The following PCDHGA11 variants were observed in gnomAD, a reference collection of about 807,000 sequenced individuals.
PCDHGA11 encodes protocadherin gamma-A11.
A neutral mutation model predicts 60.4 loss-of-function variants in PCDHGA11; 39 were observed. The observed-to-expected ratio is 0.65, with a 90% CI of 0.50 to 0.84. The LOEUF is 0.84. PCDHGA11 is among the 40% of genes least tolerant of loss of function. The probability of loss-of-function intolerance (pLI) is 0.00; values close to 1 mark genes in which losing one functional copy is unlikely to be tolerated. For synonymous variants in PCDHGA11, 533 were observed against 510.3 expected, an observed-to-expected ratio of 1.04 and a Z score of -0.60; for missense variants, 1,165 against 1,197.7, an observed-to-expected ratio of 0.97 and a Z score of 0.40.
chr5:141,433,304 C>T, intron 1 of PCDHGA11: 1 of 932,004 alleles, frequency 1.1e-6, no homozygotes, highest in Non-Finnish European at 1.6e-6. Context: ...AGCAATTATC[C>T]CACCTTTGCC....
At chr5:141,439,190 C>CA (rs200519543) in intron 1 of PCDHGA11, among the ~76,000 whole-genome samples, 17,650 of 111,626 alleles carry the variant, frequency 0.16, 1,295 homozygotes, top group African/African-American at 0.25. Context: ...GAGACTCTGA[C>CA]AAAAAAAAAA....
chr5:141,422,984 G>T lies in PCDHGA11; in HGVS notation c.1757G>T (p.Gly586Val). 2 of 1,614,230 alleles carry T rather than the reference G, an allele frequency of 1.2e-6. No homozygotes were observed. The highest frequency in any genetic ancestry group is 1.7e-6 in the Non-Finnish European group (2 of 1,180,040). The change falls in exon 1 of 4, where the codon GGC becomes GTC. Residue 586 changes from glycine (G) to valine (V), a missense_variant. Transcript: ENST00000398587. ...VELAPRSAEP[G>V]YLVTKVVAVD... ...CTGGCGCCCCGCTCTGCGGAACCTG[G>T]CTACCTGGTGACCAAGGTGGTTGCG...
intron 1 of PCDHGA11, chr5:141,427,712 C>A: frequency 9.5e-7 from 1 of 1,051,464 alleles, no homozygotes; most frequent in Non-Finnish European, 1.4e-6. Context: ...GCGCCTCTGA[C>A]CTGGACCTAG....
chr5:141,441,843 G>T, intron 1 of PCDHGA11: 1 of 356,176 alleles, frequency 2.8e-6, no homozygotes. Context: ...TCGCGCTCTT[G>T]GATATGGTGC....
chr5:141,509,699 C>T (rs779592471), intron 3 of PCDHGA11, among the ~76,000 whole-genome samples: 4 of 152,168 alleles, frequency 2.6e-5, no homozygotes, highest in Non-Finnish European at 5.9e-5. Flanking sequence ...GGACGTTGGA[C>T]TGGAGGTGCT....
In PCDHGA11 at chr5:141,486,247, C is replaced by T. The variant is rs935513223; in HGVS notation, c.2434-8560C>T. The T allele has an allele frequency of 2.5e-6, 4 of 1,614,014 alleles. No homozygotes were observed. The African/African-American group carries it at 5.3e-5, about 22-fold the overall frequency. On this transcript the variant is annotated intron_variant, in intron 1 of 3. Transcript: ENST00000398587. This position sits in a 1 kb window ranked among gnomAD's most constrained non-coding sequence, Gnocchi z 5.0. Reference sequence around the variant, plus strand: ...TCACAGTGACCTCAGAGCTTGGAACCCTCCCCGAGAGTGCAGAACCTGGCA... The same window carrying T: ...TCACAGTGACCTCAGAGCTTGGAACTCTCCCCGAGAGTGCAGAACCTGGCA...
rs377161386 is a variant in PCDHGA11, at chr5:141,421,300, C to A, written c.73C>A (p.Arg25=). The A allele has an allele frequency of 1.2e-6, 2 of 1,613,320 alleles. No individual in the cohort carries two copies. Among genetic ancestry groups the A allele is most frequent in the African/African-American group, 1.3e-5 (1 of 74,934 alleles). The change falls in exon 1 of 4, where the codon CGG becomes AGG. Residue 25 remains arginine, a synonymous_variant. Coordinates refer to ENST00000398587, the MANE Select transcript of PCDHGA11 (RefSeq NM_018914.3). ...LLLCIFLGTL[R]GFRARQIRYS... is the part of the protein sequence containing the mutation. The stretch of plus-strand genomic sequence containing the variant: ...GCTGTGCATTTTCCTGGGGACGCTG[C>A]GGGGGTTCCGGGCCAGGCAGATCCG...
intron 1 of PCDHGA11, among the ~76,000 whole-genome samples, chr5:141,449,199 A>T (rs927587807): frequency 3.3e-5 from 5 of 152,190 alleles, no homozygotes; most frequent in Admixed American, 2.6e-4. Flanking sequence ...AGAAGTGTTA[A>T]TTCTAACTTT....
At position 141,487,179 on chromosome 5, in the gene PCDHGA11, C is replaced by T. The variant is rs768886732; in HGVS notation, c.2434-7628C>T. Reference sequence around the variant, plus strand: ...CTCTTAGTGTCCTTAGAGGAAGACACTCATCCAGTTGTCCCAGATCTTCGA... The same window carrying T: ...CTCTTAGTGTCCTTAGAGGAAGACATTCATCCAGTTGTCCCAGATCTTCGA... On this transcript the variant is annotated intron_variant, in intron 1 of 3. Transcript: ENST00000398587. This position sits in a 1 kb window ranked among gnomAD's most constrained non-coding sequence, Gnocchi z 5.0. 6.2e-6 allele frequency: 10 copies of T among 1,613,474 alleles called. No individual in the cohort carries two copies. Among genetic ancestry groups the T allele is most frequent in the Non-Finnish European group, 6.8e-6 (8 of 1,179,370 alleles).
Position 141,431,137 on chromosome 5 carries a change from T to G in PCDHGA11, c.2433+7477T>G. 3 of 1,614,212 alleles carry G rather than the reference T, an allele frequency of 1.9e-6. No individual in the cohort carries two copies. The highest frequency in any genetic ancestry group is 2.2e-5 in the South Asian group (2 of 91,084). On this transcript the variant is annotated intron_variant, in intron 1 of 3. Coordinates refer to ENST00000398587, the MANE Select transcript of PCDHGA11 (RefSeq NM_018914.3). This position sits in a 1 kb window ranked among gnomAD's most constrained non-coding sequence, Gnocchi z 4.8. Reference sequence around the variant, plus strand: ...GAGTAGAAGTAGAAGTAAGGGACATTAACGACAATGCGCCTTACTTTCGTG... The same window carrying G: ...GAGTAGAAGTAGAAGTAAGGGACATGAACGACAATGCGCCTTACTTTCGTG...
At chr5:141,492,063 C>T in intron 1 of PCDHGA11, 1 of 481,160 alleles carries the variant, frequency 2.1e-6, no homozygotes, top group African/African-American at 2.0e-5. Flanking sequence ...CAGCCAGCCT[C>T]CTAGGCGCCG....
At chr5:141,437,225 T>C (rs943242286) in intron 1 of PCDHGA11, among the ~76,000 whole-genome samples, 2 of 152,240 alleles carry the variant, frequency 1.3e-5, no homozygotes, top group Admixed American at 1.3e-4. Flanking sequence ...ATTCCAGTCA[T>C]AAAATTATGT....
Position 141,455,633 on chromosome 5 carries a change from G to A in PCDHGA11, c.2433+31973G>A, listed in dbSNP as rs1049071525. On this transcript the variant is annotated intron_variant, in intron 1 of 3. Coordinates refer to ENST00000398587, the MANE Select transcript of PCDHGA11 (RefSeq NM_018914.3). ...ATGTTCTAAACACGTGGAGATATGT[G>A]GGGGGCAGCCATGTGGCCAGGAACT... Among the ~76,000 whole-genome samples, 19 of 152,198 alleles carry A rather than the reference G, an allele frequency of 1.2e-4. No homozygotes were observed. In the East Asian group the frequency reaches 3.1e-3, roughly 25 times the overall value.
Position 141,431,054 on chromosome 5 carries a change from G to T in PCDHGA11, c.2433+7394G>T. 6.2e-7 allele frequency: 1 copy of T among 1,614,198 alleles called. No individual in the cohort carries two copies. The highest frequency in any genetic ancestry group is 8.5e-7 in the Non-Finnish European group (1 of 1,180,004). ...AGACCGGGAGGAGCTCTGTATGGGG[G>T]CCATCAAGTGTCAATTAAATCTAGA... On this transcript the variant is annotated intron_variant, in intron 1 of 3. Transcript: ENST00000398587. This position sits in a 1 kb window ranked among gnomAD's most constrained non-coding sequence, Gnocchi z 4.8.
intron 1 of PCDHGA11, among the ~76,000 whole-genome samples, chr5:141,469,172 A>C (rs1310781965): frequency 6.6e-6 from 1 of 152,050 alleles, no homozygotes; most frequent in Admixed American, 6.6e-5. Context: ...GCTACTTGGG[A>C]GGCTGAGGCA....
chr5:141,500,144 C>T (rs2099796717), intron 2 of PCDHGA11, among the ~76,000 whole-genome samples: 1 of 151,426 alleles, frequency 6.6e-6, no homozygotes, highest in South Asian at 2.1e-4. Context: ...CTAAACTTTT[C>T]TTTGTGTAAT....
In PCDHGA11 at chr5:141,485,216, G is replaced by C. The variant is rs757059807; in HGVS notation, c.2434-9591G>C. On this transcript the variant is annotated intron_variant, in intron 1 of 3. Transcript: ENST00000398587. The surrounding 1 kb of genome is among the most constrained non-coding windows in gnomAD (Gnocchi z 5.7). ...AAGCTGGACAGAAATCTGGCGGTGG[G>C]CTACCCTTTTGTTCCTCTTTTACCA... 2.5e-6 allele frequency: 4 copies of C among 1,614,144 alleles called. No homozygotes were observed. In the South Asian group the frequency reaches 4.4e-5, roughly 18 times the overall value.
In PCDHGA11 at chr5:141,511,074, C is replaced by G; in HGVS notation, c.2709C>G (p.Ser903Arg). 1.2e-6 allele frequency: 2 copies of G among 1,614,238 alleles called. No homozygotes were observed. The highest frequency in any genetic ancestry group is 1.7e-6 in the Non-Finnish European group (2 of 1,180,040). ...GCCAGAATGTCTACATCCCAGGCAGCAATGCCACACTGACCAACGCAGCTG... is the reference window on the plus strand; with the variant it reads ...GCCAGAATGTCTACATCCCAGGCAGGAATGCCACACTGACCAACGCAGCTG... The part of the protein sequence containing the change: ...DYRQNVYIPG[S>R]NATLTNAAGK... Residue 903 changes from serine (S) to arginine (R), a missense_variant, in exon 4 of 4, where the codon AGC becomes AGG. Coordinates refer to ENST00000398587, the MANE Select transcript of PCDHGA11 (RefSeq NM_018914.3).
chr5:141,476,922 C>T lies in PCDHGA11; in HGVS notation c.2434-17885C>T. 4 of 1,614,120 alleles carry T rather than the reference C, an allele frequency of 2.5e-6. No individual in the cohort carries two copies. Among genetic ancestry groups the T allele is most frequent in the Non-Finnish European group, 2.5e-6 (3 of 1,180,050 alleles). On this transcript the variant is annotated intron_variant, in intron 1 of 3. Transcript: ENST00000398587. The surrounding 1 kb of genome is among the most constrained non-coding windows in gnomAD (Gnocchi z 7.6). ...ACGCGCGTGGTACAAGTCCTTGCAA[C>T]GGATCTGGATGAAGGCCCCAACGGT...
Sources: gnomAD v4.1 joint callset for allele counts (sites outside exome capture counted in the v4.1 genomes callset) on GRCh38, gnomAD v4.1.1 for gene constraint, Gnocchi (gnomAD v3.1) non-coding constraint, MANE v1.5 for transcripts, NCBI Gene and HGNC (gene_info 2026-07-23, HGNC 2026-07-21) for gene names.